SH3BGRL: variants seen among roughly 807,000 people sequenced by gnomAD.
The protein encoded by SH3BGRL is SH3 domain binding glutamate rich protein like, also known as adapter SH3BGRL.
SH3BGRL carries 7 observed loss-of-function variants against 9.8 expected under a neutral mutation model. The observed-to-expected ratio is 0.72, with a 90% CI of 0.41 to 1.35. SH3BGRL has a LOEUF of 1.35. Ranked by LOEUF, SH3BGRL falls within the 40% of genes most tolerant of loss-of-function variation. The pLI, the probability that SH3BGRL is intolerant of heterozygous loss-of-function variation, is 0.01. For missense variants in SH3BGRL, 73 were observed against 84.4 expected (o/e 0.86, Z 0.53); for synonymous variants, 36 against 29.1 (o/e 1.24, Z -0.76).
intron 1 of SH3BGRL, among the ~76,000 whole-genome samples, chrX:81,271,139 C>A (rs1479365033): frequency 1.8e-5 from 2 of 111,731 alleles, no homozygotes; most frequent in African/African-American, 6.5e-5. Context: ...ACTTCTCCTC[C>A]AGGTACAGTA....
chrX:81,256,971 A>G (rs1346708366), intron 1 of SH3BGRL, among the ~76,000 whole-genome samples: 3 of 111,334 alleles, frequency 2.7e-5, no homozygotes, highest in African/African-American at 9.8e-5. Context: ...TCTCAACTCT[A>G]TATATCTCTA....
At chrX:81,269,394 TC>T (rs1378923008) in intron 1 of SH3BGRL, among the ~76,000 whole-genome samples, 1 of 111,919 alleles carries the variant, frequency 8.9e-6, no homozygotes, top group Non-Finnish European at 1.9e-5. Context: ...CTTCAGGAGC[TC>T]TTTTAGGGCA....
intron 1 of SH3BGRL, among the ~76,000 whole-genome samples, chrX:81,233,042 A>T (rs1216133027): frequency 1.8e-5 from 2 of 111,529 alleles, no homozygotes; most frequent in African/African-American, 3.3e-5. Flanking sequence ...CAACTATATG[A>T]TATACAACTA....
chrX:81,261,160 T>A (rs1009703272), intron 1 of SH3BGRL, among the ~76,000 whole-genome samples: 2 of 111,415 alleles, frequency 1.8e-5, no homozygotes, highest in Non-Finnish European at 3.8e-5. Flanking sequence ...AAACTTAAGA[T>A]TTAGAGTTAG....
chrX:81,243,589 C>T (rs1323570997), intron 1 of SH3BGRL, among the ~76,000 whole-genome samples: 2 of 110,486 alleles, frequency 1.8e-5, no homozygotes, highest in South Asian at 3.8e-4. Flanking sequence ...GATAGATACC[C>T]GATTCTCTAT....
chrX:81,265,747 T>C (rs903331378), intron 1 of SH3BGRL, among the ~76,000 whole-genome samples: 1 of 112,002 alleles, frequency 8.9e-6, no homozygotes, highest in African/African-American at 3.3e-5. Context: ...CTGGGTCAAA[T>C]GGTATTTCTA....
At chrX:81,211,091 G>C (rs2075561697) in intron 1 of SH3BGRL, among the ~76,000 whole-genome samples, 1 of 112,270 alleles carries the variant, frequency 8.9e-6, no homozygotes, top group Admixed American at 9.4e-5. Context: ...GCTATTGCCT[G>C]TGTGATTTGA....
At chrX:81,260,392 T>C (rs1174492186) in intron 1 of SH3BGRL, among the ~76,000 whole-genome samples, 1 of 111,737 alleles carries the variant, frequency 8.9e-6, no homozygotes, top group Non-Finnish European at 1.9e-5. Flanking sequence ...ATAAGGTTAT[T>C]GTTAGAATTA....
At chrX:81,266,849 T>A (rs957705421) in intron 1 of SH3BGRL, among the ~76,000 whole-genome samples, 3 of 112,189 alleles carry the variant, frequency 2.7e-5, no homozygotes, top group Non-Finnish European at 5.6e-5. Context: ...CATGGAATGT[T>A]TTTCGATTTG....
chrX:81,203,220 T>C (rs766827183), intron 1 of SH3BGRL, among the ~76,000 whole-genome samples: 1 of 112,047 alleles, frequency 8.9e-6, no homozygotes, highest in Non-Finnish European at 1.9e-5. Flanking sequence ...GGGTTCAGAT[T>C]GTAGGGTATA....
intron 1 of SH3BGRL, among the ~76,000 whole-genome samples, chrX:81,225,306 G>T (rs1051226906): frequency 1.8e-5 from 2 of 110,745 alleles, no homozygotes; most frequent in African/African-American, 6.5e-5. Context: ...AATTTAGGGG[G>T]TACAAATGCA....
At chrX:81,211,533 T>C (rs192466727) in intron 1 of SH3BGRL, among the ~76,000 whole-genome samples, 1 of 109,111 alleles carries the variant, frequency 9.2e-6, no homozygotes, top group Non-Finnish European at 1.9e-5. Context: ...CTTGCAGTGA[T>C]CCGAGATCGT....
intron 1 of SH3BGRL, among the ~76,000 whole-genome samples, chrX:81,262,202 G>A (rs937937065): frequency 9.0e-6 from 1 of 111,043 alleles, no homozygotes; most frequent in Non-Finnish European, 1.9e-5. Flanking sequence ...ACTTGAGTGT[G>A]GGCTGGATTT....
At chrX:81,241,032 T>G (rs1363267304) in intron 1 of SH3BGRL, among the ~76,000 whole-genome samples, 1 of 112,986 alleles carries the variant, frequency 8.9e-6, no homozygotes, top group African/African-American at 3.2e-5. Flanking sequence ...CCATCCCTGC[T>G]TCTGCAGGCT....
At chrX:81,228,673 T>C (rs980951121) in intron 1 of SH3BGRL, among the ~76,000 whole-genome samples, 2 of 111,722 alleles carry the variant, frequency 1.8e-5, no homozygotes, top group Non-Finnish European at 3.8e-5. Context: ...AGAGGAGGGG[T>C]CCATTTAGAT....
At chrX:81,251,536 C>T (rs1237084923) in intron 1 of SH3BGRL, among the ~76,000 whole-genome samples, 2 of 111,021 alleles carry the variant, frequency 1.8e-5, no homozygotes, top group Non-Finnish European at 3.8e-5. Flanking sequence ...CATTTTCTAG[C>T]TGTGTTCTCT....
intron 1 of SH3BGRL, among the ~76,000 whole-genome samples, chrX:81,234,322 G>GTTTTATTATTTTATTT (rs2075641385): frequency 8.9e-6 from 1 of 112,066 alleles, no homozygotes; most frequent in Admixed American, 9.5e-5. Flanking sequence ...ATAAAATACA[G>GTTTTATTATTTTATTT]ATGATGAAAT....
chrX:81,278,462 C>G, intron 3 of SH3BGRL, 51 bp downstream of exon 3: 1 of 773,473 alleles, frequency 1.3e-6, no homozygotes, highest in Non-Finnish European at 1.9e-6. Flanking sequence ...TGCTGCTGAA[C>G]TTTTTTAATC....
chrX:81,208,743 C>CTTA (rs1227903693), intron 1 of SH3BGRL, among the ~76,000 whole-genome samples: 6 of 111,394 alleles, frequency 5.4e-5, no homozygotes, highest in African/African-American at 2.0e-4. Flanking sequence ...TGACTGTTTT[C>CTTA]ATTAATATGA....
Sources: gnomAD v4.1 joint callset for allele counts (sites outside exome capture counted in the v4.1 genomes callset) on GRCh38, gnomAD v4.1.1 for gene constraint, MANE v1.5 for transcripts, NCBI Gene and HGNC (gene_info 2026-07-23, HGNC 2026-07-21) for gene names.